The following KLF12 variants were observed in gnomAD, a reference collection of about 807,000 sequenced individuals.
The protein encoded by KLF12 is Krueppel-like factor 12.
Under a neutral mutation model 37.8 loss-of-function variants are expected in KLF12, and 9 were observed. That is an observed-to-expected ratio of 0.24 (90% confidence interval 0.14 to 0.42). The LOEUF is 0.42. Among genes scored for constraint, KLF12 ranks in the 10% least tolerant of loss-of-function variants. The probability of loss-of-function intolerance (pLI) is 1.00; values close to 1 mark genes in which losing one functional copy is unlikely to be tolerated. For synonymous variants in KLF12, 208 were observed against 202.1 expected (o/e 1.03, Z -0.25); for missense variants, 411 against 516.0 (o/e 0.80, Z 1.97).
chr13:73,757,945 C>T (rs1879282453), intron 6 of KLF12, among the ~76,000 whole-genome samples: 1 of 152,234 alleles, frequency 6.6e-6, no homozygotes, highest in African/African-American at 2.4e-5. Flanking sequence ...GGTTCTATCA[C>T]AGATACATAT....
At chr13:74,125,045 T>G (rs997602045) in intron 1 of KLF12, among the ~76,000 whole-genome samples, 4 of 151,022 alleles carry the variant, frequency 2.6e-5, no homozygotes, top group Admixed American at 1.3e-4. Flanking sequence ...CTCGGAAGGC[T>G]GAAGCAGGAG....
intron 1 of KLF12, among the ~76,000 whole-genome samples, chr13:74,028,811 A>G (rs1011808439): frequency 9.6e-5 from 13 of 135,954 alleles, no homozygotes; most frequent in African/African-American, 3.0e-4. Context: ...AGTTTAAATT[A>G]ATATAAGAAA....
chr13:74,171,550 G>C, the KLF12 span, among the ~76,000 whole-genome samples: 1 of 152,114 alleles, frequency 6.6e-6, no homozygotes, highest in Admixed American at 6.5e-5. Context: ...CTGCCACCCG[G>C]TTCTCCCTGC....
chr13:74,257,732 C>T, the KLF12 span: 4 of 152,158 alleles, frequency 2.6e-5, no homozygotes, highest in African/African-American at 9.7e-5. Context: ...ATTTTGTGAA[C>T]CCAAATTAGT....
In KLF12 at chr13:73,779,855, G is replaced by A. The variant is rs371865802; in HGVS notation, c.807-14855C>T. On this transcript the variant is annotated intron_variant, in intron 5 of 7. Transcript: ENST00000377669. ...GGGAATTGGAGAATACATTTCATGA[G>A]GCTATGGCTGCCATAGATAAATTCT... Among the ~76,000 whole-genome samples the A allele has an allele frequency of 5.9e-5, 9 of 152,308 alleles. No homozygotes were observed. In the East Asian group the frequency reaches 1.3e-3, roughly 23 times the overall value.
intron 1 of KLF12, among the ~76,000 whole-genome samples, chr13:74,019,171 A>G (rs1892776712): frequency 6.6e-6 from 1 of 152,230 alleles, no homozygotes; most frequent in African/African-American, 2.4e-5. Flanking sequence ...ACATAGGTAA[A>G]TAAATCAAAA....
At chr13:73,818,985 T>C (rs1366008000) in intron 4 of KLF12, among the ~76,000 whole-genome samples, 4 of 151,702 alleles carry the variant, frequency 2.6e-5, no homozygotes, top group Non-Finnish European at 5.9e-5. Flanking sequence ...AGAGGGGGAG[T>C]GCAGGAACAA....
At chr13:73,754,505 T>C (rs1879009980) in intron 6 of KLF12, among the ~76,000 whole-genome samples, 1 of 152,142 alleles carries the variant, frequency 6.6e-6, no homozygotes, top group African/African-American at 2.4e-5. Flanking sequence ...ATGAGATCTG[T>C]AGTTTAGTGG....
the KLF12 span, among the ~76,000 whole-genome samples, chr13:74,148,128 G>C: frequency 6.6e-6 from 1 of 151,780 alleles, no homozygotes; most frequent in Non-Finnish European, 1.5e-5. Context: ...TGTTGGCCAG[G>C]CTGGTCTCGA....
chr13:74,242,810 A>G, the KLF12 span, among the ~76,000 whole-genome samples: 1 of 152,162 alleles, frequency 6.6e-6, no homozygotes, highest in African/African-American at 2.4e-5. Context: ...CTGAACATGC[A>G]GAGACATATT....
At chr13:74,256,688 TTGTGTGTGTGTGTGTGTG>T in the KLF12 span, among the ~76,000 whole-genome samples, 3 of 147,906 alleles carry the variant, frequency 2.0e-5, no homozygotes, top group Non-Finnish European at 4.5e-5. Context: ...TGAGTAGAGC[TTGTGTGTGTGTGTGTGTG>T]TGTGTGTGTG....
At chr13:73,729,239 A>G (rs1267119706) in intron 6 of KLF12, among the ~76,000 whole-genome samples, 1 of 152,174 alleles carries the variant, frequency 6.6e-6, no homozygotes, top group African/African-American at 2.4e-5. Flanking sequence ...TGTGTTATTT[A>G]CTTTCCCAGA....
chr13:74,222,377 G>A, the KLF12 span, among the ~76,000 whole-genome samples: 6 of 152,210 alleles, frequency 3.9e-5, no homozygotes, highest in African/African-American at 1.2e-4. Flanking sequence ...GGAAGGAGCA[G>A]AGTAAACATG....
chr13:73,775,895 A>G (rs1880577825), intron 5 of KLF12, among the ~76,000 whole-genome samples: 1 of 152,206 alleles, frequency 6.6e-6, no homozygotes, highest in Admixed American at 6.5e-5. Context: ...ACAATTTAGC[A>G]TTCTCTCAAG....
intron 5 of KLF12, among the ~76,000 whole-genome samples, chr13:73,773,547 C>A (rs1594074624): frequency 6.6e-6 from 1 of 151,462 alleles, no homozygotes; most frequent in South Asian, 2.1e-4. Context: ...TATCCACAAA[C>A]AGGGATGGCT....
At chr13:74,163,550 T>C in the KLF12 span, among the ~76,000 whole-genome samples, 3 of 151,584 alleles carry the variant, frequency 2.0e-5, no homozygotes, top group Admixed American at 1.3e-4. Context: ...AACTAGAGAG[T>C]AGAAAGATAG....
chr13:74,210,776 A>G, the KLF12 span, among the ~76,000 whole-genome samples: 2 of 152,274 alleles, frequency 1.3e-5, no homozygotes, highest in East Asian at 3.9e-4. Context: ...GGACTCCTGT[A>G]ATAAATTATT....
chr13:74,253,071 A>G, the KLF12 span, among the ~76,000 whole-genome samples: 2 of 151,716 alleles, frequency 1.3e-5, no homozygotes, highest in Admixed American at 6.6e-5. Flanking sequence ...TCATCTTTAA[A>G]CCCTTGGAAT....
chr13:74,127,696 G>A (rs567676501), intron 1 of KLF12, among the ~76,000 whole-genome samples: 1 of 152,178 alleles, frequency 6.6e-6, no homozygotes. Flanking sequence ...GAAATCATGC[G>A]TGATTATAAA....
Sources: gnomAD v4.1 joint callset for allele counts (sites outside exome capture counted in the v4.1 genomes callset) on GRCh38, gnomAD v4.1.1 for gene constraint, MANE v1.5 for transcripts, NCBI Gene and HGNC (gene_info 2026-07-23, HGNC 2026-07-21) for gene names.